Variants in PCDH15 observed in about 807,000 individuals in gnomAD.
PCDH15 encodes the protein protocadherin-15.
PCDH15 carries 129 observed loss-of-function variants against 178.5 expected under a neutral mutation model. The observed-to-expected ratio is 0.72, with a 90% CI of 0.63 to 0.84. PCDH15 has a LOEUF of 0.84. Ranked by LOEUF, PCDH15 falls within the 40% of genes least tolerant of loss-of-function variation. PCDH15 has a pLI of 0.00. For missense variants in PCDH15, 2,230 were observed against 2,099.9 expected (o/e 1.06, Z -1.21); for synonymous variants, 800 against 732.0 (o/e 1.09, Z -1.50).
Position 54,381,372 on chromosome 10 carries a change from T to C in PCDH15, c.158-2430A>G, listed in dbSNP as rs561928351. Among the ~76,000 whole-genome samples the C allele has an allele frequency of 7.2e-5, 11 of 152,200 alleles. No individual in the cohort carries two copies. The South Asian group carries it at 2.3e-3, about 32-fold the overall frequency. On this transcript the variant is annotated intron_variant, in intron 3 of 37. Coordinates refer to ENST00000644397, the MANE Select transcript of PCDH15 (RefSeq NM_001384140.1). ...AAGTTTTCAAGATCTGAAAAGCTAG[T>C]GTTCTAGACAATATTGGCAAGCAGC...
intron 3 of PCDH15, among the ~76,000 whole-genome samples, chr10:54,812,996 T>G (rs1330642385): frequency 6.6e-6 from 1 of 152,188 alleles, no homozygotes; most frequent in African/African-American, 2.4e-5. Flanking sequence ...CTGATTGTCA[T>G]AGATGCTTCA....
chr10:54,539,529 T>TG (rs1309149393), intron 2 of PCDH15, among the ~76,000 whole-genome samples: 1 of 152,168 alleles, frequency 6.6e-6, no homozygotes, highest in African/African-American at 2.4e-5. Context: ...ACAATGATAG[T>TG]GGGGGTCTTC....
chr10:54,267,500 G>T (rs1432047485), intron 8 of PCDH15, among the ~76,000 whole-genome samples: 1 of 151,818 alleles, frequency 6.6e-6, no homozygotes, highest in East Asian at 1.9e-4. Context: ...CTTCACTGAT[G>T]ATAGGATTCT....
intron 2 of PCDH15, among the ~76,000 whole-genome samples, chr10:55,095,318 A>G (rs1041269426): frequency 2.2e-4 from 34 of 151,850 alleles, no homozygotes; most frequent in Admixed American, 5.3e-4. Context: ...ACTTATCTTA[A>G]ATATATTAAA....
chr10:55,518,307 C>T (rs985465528), intron 2 of PCDH15, among the ~76,000 whole-genome samples: 2 of 152,094 alleles, frequency 1.3e-5, no homozygotes, highest in African/African-American at 4.8e-5. Context: ...AAAATCTATC[C>T]TTGCTACTTT....
At chr10:54,575,177 C>T (rs1274462750) in intron 2 of PCDH15, 248 of 143,816 alleles carry the variant, frequency 1.7e-3, no homozygotes, top group African/African-American at 5.9e-3. Flanking sequence ...GGAGGGATAG[C>T]ATTGGGAGAT....
chr10:54,797,283 T>C (rs1345011967), intron 1 of PCDH15, among the ~76,000 whole-genome samples: 3 of 152,070 alleles, frequency 2.0e-5, no homozygotes, highest in Non-Finnish European at 2.9e-5. Flanking sequence ...TTTGAACTTT[T>C]CCATTTACCA....
chr10:54,693,855 G>A (rs1208924732), intron 1 of PCDH15, among the ~76,000 whole-genome samples: 2 of 152,108 alleles, frequency 1.3e-5, no homozygotes, highest in Non-Finnish European at 2.9e-5. Flanking sequence ...TACTTACTGA[G>A]TGAAATGTCT....
intron 1 of PCDH15, among the ~76,000 whole-genome samples, chr10:55,265,301 G>GATATATATATATATATAGACATAGAGATA (rs1842257225): frequency 7.0e-6 from 1 of 142,552 alleles, no homozygotes; most frequent in Admixed American, 6.9e-5. Flanking sequence ...ATATAGAGAT[G>GATATATATATATATATAGACATAGAGATA]TATCTCTATG....
At chr10:55,386,902 A>G (rs1837674925) in intron 2 of PCDH15, among the ~76,000 whole-genome samples, 1 of 152,108 alleles carries the variant, frequency 6.6e-6, no homozygotes, top group Admixed American at 6.6e-5. Flanking sequence ...TTAACGTACA[A>G]ATCAGTATAA....
At chr10:55,130,680 C>CGTGT (rs72055158) in intron 2 of PCDH15, among the ~76,000 whole-genome samples, 4 of 146,236 alleles carry the variant, frequency 2.7e-5, no homozygotes, top group Admixed American at 1.4e-4. Flanking sequence ...CACACATACA[C>CGTGT]GTGTGTGTGT....
intron 8 of PCDH15, among the ~76,000 whole-genome samples, chr10:54,304,867 T>TC (rs550136152): frequency 8.4e-4 from 82 of 98,062 alleles, no homozygotes; most frequent in African/African-American, 3.8e-3. Context: ...TTTATTTCCC[T>TC]TTTTTTTTGT....
chr10:53,841,184 G>A (rs949861908), intron 28 of PCDH15, among the ~76,000 whole-genome samples: 2 of 152,096 alleles, frequency 1.3e-5, no homozygotes, highest in Admixed American at 1.3e-4. Flanking sequence ...TTAATTGAAA[G>A]TATGAATTAT....
chr10:54,208,426 G>T (rs954165627), intron 10 of PCDH15, among the ~76,000 whole-genome samples: 3 of 151,964 alleles, frequency 2.0e-5, no homozygotes, highest in Non-Finnish European at 4.4e-5. Flanking sequence ...ATTAGGAGAG[G>T]TAATTAAGTC....
chr10:53,974,502 AACCT>A (rs1308753334), intron 21 of PCDH15, among the ~76,000 whole-genome samples: 4 of 152,132 alleles, frequency 2.6e-5, no homozygotes, highest in African/African-American at 7.2e-5. Context: ...ATAAACTACT[AACCT>A]GTCATCATGC....
intron 3 of PCDH15, among the ~76,000 whole-genome samples, chr10:54,408,157 C>G (rs1267632569): frequency 6.8e-6 from 1 of 148,118 alleles, no homozygotes; most frequent in Non-Finnish European, 1.5e-5. Context: ...ACATAATTAG[C>G]TGTTTTTTTA....
intron 25 of PCDH15, among the ~76,000 whole-genome samples, chr10:53,930,478 A>G (rs1442347951): frequency 2.0e-5 from 3 of 151,188 alleles, no homozygotes; most frequent in Admixed American, 6.6e-5. Context: ...AAAAAAAAAA[A>G]AAAAAAAAGA....
At chr10:54,768,512 C>A (rs970748617) in intron 1 of PCDH15, among the ~76,000 whole-genome samples, 4 of 151,846 alleles carry the variant, frequency 2.6e-5, no homozygotes, top group Admixed American at 2.0e-4. Flanking sequence ...AGTTCATATT[C>A]TCAGGATTTC....
intron 23 of PCDH15, among the ~76,000 whole-genome samples, chr10:53,947,571 C>T (rs2086678013): frequency 6.6e-6 from 1 of 151,814 alleles, no homozygotes; most frequent in East Asian, 1.9e-4. Context: ...AAAACACCCA[C>T]TAGAACTCCG....
Sources: allele counts gnomAD v4.1 joint callset (sites outside exome capture counted in the v4.1 genomes callset), GRCh38; gene constraint gnomAD v4.1.1; transcripts MANE v1.5; gene names NCBI Gene and HGNC (gene_info 2026-07-23, HGNC 2026-07-21).